ROR1: variants seen among roughly 807,000 people sequenced by gnomAD.
ROR1 encodes inactive tyrosine-protein kinase transmembrane receptor ROR1.
A neutral mutation model predicts 78.8 loss-of-function variants in ROR1; 19 were observed. The observed-to-expected ratio is 0.24, with a 90% CI of 0.17 to 0.35. The LOEUF (loss-of-function observed/expected upper bound fraction) is 0.35, where lower values mean the gene tolerates loss of function less well. Ranked by LOEUF, ROR1 falls within the 10% of genes least tolerant of loss-of-function variation. ROR1 has a pLI of 1.00. For synonymous variants in ROR1, 386 were observed against 433.6 expected (o/e 0.89, Z 1.36); for missense variants, 917 against 1,177.8 (o/e 0.78, Z 3.24).
intron 1 of ROR1, among the ~76,000 whole-genome samples, chr1:63,959,748 T>C (rs1011912314): frequency 6.6e-6 from 1 of 152,194 alleles, no homozygotes; most frequent in Admixed American, 6.5e-5. Context: ...GGCTTCCCAT[T>C]CCAGCTCCAG....
chr1:63,774,444 G>A lies in ROR1; in HGVS notation c.27G>A (p.Thr9=), dbSNP rs1441790840. Residue 9 remains threonine, a synonymous_variant, in exon 1 of 9, where the codon ACG becomes ACA. Transcript: ENST00000371079. This position sits in a 1 kb window ranked among gnomAD's most constrained non-coding sequence, Gnocchi z 5.7. Reference sequence around the variant, plus strand: ...TGCACCGGCCGCGCCGCCGCGGGACGCGCCCGCCGCTCCTGGCGCTGCTGG... The same window carrying A: ...TGCACCGGCCGCGCCGCCGCGGGACACGCCCGCCGCTCCTGGCGCTGCTGG... The part of the protein sequence containing the change: MHRPRRRG[T]RPPLLALLAA... The A allele has an allele frequency of 1.9e-5, 22 of 1,175,952 alleles. No homozygotes were observed. The East Asian group carries it at 2.9e-4, about 15-fold the overall frequency. 72.8% of individuals were successfully genotyped at this position (1,175,952 alleles called of 1,614,324 possible).
intron 2 of ROR1, among the ~76,000 whole-genome samples, chr1:64,043,973 A>G (rs1407249980): frequency 6.6e-6 from 1 of 152,174 alleles, no homozygotes; most frequent in Non-Finnish European, 1.5e-5. Flanking sequence ...TCCATTGTTA[A>G]TGGGAGAAGA....
intron 1 of ROR1, among the ~76,000 whole-genome samples, chr1:63,988,576 A>AT (rs1260293507): frequency 1.3e-5 from 2 of 152,144 alleles, no homozygotes; most frequent in African/African-American, 4.8e-5. Flanking sequence ...CCACCATCCA[A>AT]TGCCAGAAAT....
At chr1:63,828,723 C>T (rs889802323) in intron 1 of ROR1, among the ~76,000 whole-genome samples, 2 of 152,172 alleles carry the variant, frequency 1.3e-5, no homozygotes, top group African/African-American at 2.4e-5. Context: ...GTTTTTTACT[C>T]TATTCCCCTG....
chr1:63,920,685 C>T (rs560520567), intron 1 of ROR1, among the ~76,000 whole-genome samples: 1 of 152,334 alleles, frequency 6.6e-6, no homozygotes. Flanking sequence ...TGTCAGCCCA[C>T]CTCTCCTGGA....
Position 64,127,366 on chromosome 1 carries a change from G to A in ROR1, c.483-10003G>A, listed in dbSNP as rs573179185. 3.7e-4 allele frequency among the ~76,000 whole-genome samples: 56 copies of A among 152,262 alleles called. 1 individual carries two copies. The highest frequency in any genetic ancestry group is 6.5e-4 in the Admixed American group (10 of 15,286). On this transcript the variant is annotated intron_variant, in intron 4 of 8. Transcript: ENST00000371079. ...GAGATAATGCTACCTACCTTGAGGG[G>A]TTCCTGGTACAAGGTAGGCGTATAG...
At chr1:63,781,077 A>G (rs1644649058) in intron 1 of ROR1, among the ~76,000 whole-genome samples, 1 of 152,222 alleles carries the variant, frequency 6.6e-6, no homozygotes, top group Non-Finnish European at 1.5e-5. Flanking sequence ...GGTGATAAAG[A>G]GGACTTCTAA....
intron 1 of ROR1, among the ~76,000 whole-genome samples, chr1:63,875,925 TG>T (rs1315211426): frequency 6.6e-6 from 1 of 152,218 alleles, no homozygotes; most frequent in Admixed American, 6.5e-5. Context: ...CCTGGCACTC[TG>T]GGATTTATTT....
intron 4 of ROR1, among the ~76,000 whole-genome samples, chr1:64,116,000 G>A (rs1420854303): frequency 6.6e-6 from 1 of 152,164 alleles, no homozygotes; most frequent in South Asian, 2.1e-4. Flanking sequence ...ATGAAAGATC[G>A]TAGCTCTTCA....
rs540641969 is a variant in ROR1 at position 63,878,135 on chromosome 1, G to T, written c.91+103627G>T. ...GCACCCAGCTAAGTGTGGGCAGATG[G>T]TGTGGCCTTGGGGACTCCAGAAGGG... On this transcript the variant is annotated intron_variant, in intron 1 of 8. Transcript: ENST00000371079. 1.4e-3 allele frequency among the ~76,000 whole-genome samples: 215 copies of T among 152,246 alleles called. 1 individual carries two copies. The highest frequency in any genetic ancestry group is 4.8e-3 in the African/African-American group (201 of 41,536).
chr1:63,806,072 T>G (rs573775701), intron 1 of ROR1, among the ~76,000 whole-genome samples: 4 of 152,318 alleles, frequency 2.6e-5, no homozygotes, highest in African/African-American at 9.6e-5. Flanking sequence ...TATTGCCCTT[T>G]TGGAGATTTA....
chr1:63,799,461 A>T (rs1270965377), intron 1 of ROR1, among the ~76,000 whole-genome samples: 1 of 152,234 alleles, frequency 6.6e-6, no homozygotes, highest in African/African-American at 2.4e-5. Flanking sequence ...TTGAGTGCCT[A>T]GGAGCATGCC....
chr1:64,154,541 C>G (rs1411828305), intron 7 of ROR1, among the ~76,000 whole-genome samples: 3 of 152,070 alleles, frequency 2.0e-5, no homozygotes, highest in African/African-American at 4.8e-5. Flanking sequence ...ATTAAAAGTA[C>G]CTCTTTAATA....
chr1:63,976,263 C>T (rs1343448215), intron 1 of ROR1, among the ~76,000 whole-genome samples: 4 of 152,084 alleles, frequency 2.6e-5, no homozygotes, highest in East Asian at 3.9e-4. Flanking sequence ...TAGGAAAGGC[C>T]GACCTGAGGA....
intron 1 of ROR1, among the ~76,000 whole-genome samples, chr1:63,923,381 G>A (rs114345500): frequency 0.028 from 4,265 of 152,184 alleles, 64 homozygotes; most frequent in South Asian, 0.033. Flanking sequence ...GTGGGAATAA[G>A]GATAGTACTC....
chr1:64,048,696 G>T (rs777067620), intron 2 of ROR1, among the ~76,000 whole-genome samples: 2 of 152,172 alleles, frequency 1.3e-5, no homozygotes, highest in Non-Finnish European at 2.9e-5. Flanking sequence ...ATACTTGATT[G>T]AAGAATAAGC....
At chr1:64,030,980 G>A (rs969855347) in intron 2 of ROR1, among the ~76,000 whole-genome samples, 1 of 152,000 alleles carries the variant, frequency 6.6e-6, no homozygotes, top group Non-Finnish European at 1.5e-5. Flanking sequence ...GGCCTCAATC[G>A]ATCTTCCCAC....
intron 1 of ROR1, among the ~76,000 whole-genome samples, chr1:63,837,676 C>A (rs1248549288): frequency 6.6e-6 from 1 of 152,290 alleles, no homozygotes. Flanking sequence ...CAACAATTAG[C>A]TGGACACGGT....
intron 4 of ROR1, among the ~76,000 whole-genome samples, chr1:64,077,220 G>A (rs1328758993): frequency 6.6e-6 from 1 of 152,214 alleles, no homozygotes; most frequent in Non-Finnish European, 1.5e-5. Context: ...GCAGGGAGAT[G>A]TAAGGTTTTT....
Sources: allele counts gnomAD v4.1 joint callset (sites outside exome capture counted in the v4.1 genomes callset), GRCh38; gene constraint gnomAD v4.1.1; non-coding constraint Gnocchi (gnomAD v3.1); transcripts MANE v1.5; gene names NCBI Gene and HGNC (gene_info 2026-07-23, HGNC 2026-07-21).